Variants in HERC5 observed in about 807,000 individuals in gnomAD.
The protein encoded by HERC5 is E3 ISG15--protein ligase HERC5.
In HERC5, 99 loss-of-function variants were observed where a neutral mutation model predicts 119.6. The ratio of observed to expected loss-of-function variants is 0.83; its 90% CI spans 0.70 to 0.98. The LOEUF (loss-of-function observed/expected upper bound fraction) is 0.98, where lower values mean the gene tolerates loss of function less well. Ranked by LOEUF, HERC5 falls within the 50% of genes least tolerant of loss-of-function variation. The probability of loss-of-function intolerance (pLI) is 0.00; values close to 1 mark genes in which losing one functional copy is unlikely to be tolerated. For missense variants in HERC5, 1,267 were observed against 1,241.3 expected, an observed-to-expected ratio of 1.02 and a Z score of -0.31; for synonymous variants, 478 against 445.9, an observed-to-expected ratio of 1.07 and a Z score of -0.91.
intron 22 of HERC5, 77 bp downstream of exon 22, chr4:88,504,674 C>A: frequency 1.3e-6 from 1 of 761,552 alleles, no homozygotes; most frequent in Non-Finnish European, 2.0e-6. Context: ...ATGATAAGTA[C>A]CATTTGCAAC....
chr4:88,494,155 C>G lies in HERC5; in HGVS notation c.2278-10C>G, dbSNP rs538890749. On this transcript the variant is annotated splice_polypyrimidine_tract_variant and intron_variant, in intron 17 of 22. Transcript: ENST00000264350. ...TCATAATACTTTAAGATTTTTTTTT[C>G]GCTTTTCAGCCTAAATTTGAGAAGA... The G allele has an allele frequency of 1.9e-6, 3 of 1,552,700 alleles. No individual in the cohort carries two copies. The highest frequency in any genetic ancestry group is 1.7e-6 in the Non-Finnish European group (2 of 1,150,134).
intron 12 of HERC5, among the ~76,000 whole-genome samples, chr4:88,478,262 A>C (rs907113256): frequency 2.0e-5 from 3 of 152,248 alleles, no homozygotes; most frequent in African/African-American, 7.2e-5. Flanking sequence ...ATTTATTACA[A>C]GTGTGCTTTT....
rs1272322767 is a variant in HERC5, at chr4:88,475,956, A to G, written c.1508A>G (p.Asn503Ser). ...GAATGTCCTATGATGCATATTTCCA[A>G]CAACTGGGAGAGCCTTGTGGTTCCA... is the stretch of plus-strand genomic sequence containing the variant. The part of the protein sequence containing the change: ...LPECPMMHIS[N>S]NWESLVVPFA... The change falls in exon 12 of 23, where the codon AAC becomes AGC. Residue 503 changes from asparagine to serine, a missense_variant. Physicochemically the swap from Asn to Ser is conservative, Grantham distance 46. Around this residue, in one of 3 missense-constraint regions of HERC5, gnomAD observed 777 missense variants for 758.0 expected, o/e 1.03. Coordinates refer to ENST00000264350, the MANE Select transcript of HERC5 (RefSeq NM_016323.4). The G allele has an allele frequency of 6.2e-7, 1 of 1,614,064 alleles. No homozygotes were observed. Among genetic ancestry groups the G allele is most frequent in the South Asian group, 1.1e-5 (1 of 91,070 alleles).
At chr4:88,496,792 G>T (rs1741807340) in intron 18 of HERC5, among the ~76,000 whole-genome samples, 1 of 152,158 alleles carries the variant, frequency 6.6e-6, no homozygotes, top group African/African-American at 2.4e-5. Context: ...TAAGATTAAA[G>T]AACTTCTTTC....
chr4:88,479,545 G>T, intron 13 of HERC5, 38 bp downstream of exon 13: 1 of 1,492,258 alleles, frequency 6.7e-7, no homozygotes, highest in Non-Finnish European at 8.9e-7. Context: ...TTTTTATCTA[G>T]CTGTAAAAAT....
Position 88,504,387 on chromosome 4 carries a change from C to T in HERC5, c.2738C>T (p.Thr913Ile), listed in dbSNP as rs199762669. Residue 913 changes from threonine to isoleucine, a missense_variant, in exon 21 of 23, where the codon ACA becomes ATA. Coordinates refer to ENST00000264350, the MANE Select transcript of HERC5 (RefSeq NM_016323.4). ...EELKDVIVGN[T>I]DYDWKTFEKN... ...CTGAAGGATGTGATTGTTGGAAATA[C>T]AGATTATGATTGGAAAACATTTGAA... 6.2e-7 allele frequency: 1 copy of T among 1,607,514 alleles called. No individual in the cohort carries two copies. Among genetic ancestry groups the T allele is most frequent in the East Asian group, 2.2e-5 (1 of 44,708 alleles).
intron 18 of HERC5, 34 bp from the exon 19 acceptor site, chr4:88,499,892 T>C (rs1233568804): frequency 6.9e-7 from 1 of 1,446,368 alleles, no homozygotes; most frequent in Non-Finnish European, 9.7e-7. Context: ...TCATGGTTAT[T>C]ACCTTTTTAA....
In HERC5 at chr4:88,462,233, G is replaced by A. The variant is rs776068909; in HGVS notation, c.565G>A (p.Ala189Thr). Reference sequence around the variant, plus strand: ...CACACCACAGATTGTGGAGCACCTCGCAGGAGTACCCTTGGCTCAGATTTC... The same window carrying A: ...CACACCACAGATTGTGGAGCACCTCACAGGAGTACCCTTGGCTCAGATTTC... ...TTTPQIVEHLAGVPLAQISAG... is the reference protein window; with the variant it reads ...TTTPQIVEHLTGVPLAQISAG... Residue 189 changes from alanine to threonine, a missense_variant, in exon 4 of 23, where the codon GCA becomes ACA. Ala to Thr is a moderately conservative substitution (Grantham distance 58). Around this residue, in one of 3 missense-constraint regions of HERC5, gnomAD observed 777 missense variants for 758.0 expected, o/e 1.03. Transcript: ENST00000264350. 7 of 1,614,164 alleles carry A rather than the reference G, an allele frequency of 4.3e-6. No individual in the cohort carries two copies. Among genetic ancestry groups the A allele is most frequent in the Non-Finnish European group, 4.2e-6 (5 of 1,180,030 alleles).
At chr4:88,470,307 G>A (rs2149092273) in intron 9 of HERC5, among the ~76,000 whole-genome samples, 1 of 152,288 alleles carries the variant, frequency 6.6e-6, no homozygotes, top group Non-Finnish European at 1.5e-5. Flanking sequence ...GGTGGGGTGG[G>A]AGTATTTTGT....
At chr4:88,475,493 A>G (rs1332435582) in intron 11 of HERC5, among the ~76,000 whole-genome samples, 1 of 151,582 alleles carries the variant, frequency 6.6e-6, no homozygotes, top group Admixed American at 6.6e-5. Flanking sequence ...TAATTTTCAT[A>G]TTTTAAGTAG....
At chr4:88,463,792 T>A in intron 5 of HERC5, 63 bp from the exon 6 acceptor site, 1 of 1,539,924 alleles carries the variant, frequency 6.5e-7, no homozygotes, top group African/African-American at 1.4e-5. Context: ...TCACTTTGCA[T>A]CAGTGAATAC....
chr4:88,480,606 T>C lies in HERC5; in HGVS notation c.1737+1099T>C, dbSNP rs560825976. Among the ~76,000 whole-genome samples, 5 of 152,362 alleles carry C rather than the reference T, an allele frequency of 3.3e-5. No individual in the cohort carries two copies. The South Asian group carries it at 1.0e-3, about 32-fold the overall frequency. ...CGGATATGTGTGTGTTGTTCTTTAC[T>C]GGTAGTGACAAACTTCTAAAGCAGT... On this transcript the variant is annotated intron_variant, in intron 13 of 22. Coordinates refer to ENST00000264350, the MANE Select transcript of HERC5 (RefSeq NM_016323.4).
At position 88,462,268 on chromosome 4, in the gene HERC5, A is replaced by G; in HGVS notation, c.600A>G (p.Glu200=). Reference sequence around the variant, plus strand: ...CCTTGGCTCAGATTTCTGCCGGAGAAGCCCACAGCATGGCCTTATCCATGT... The same window carrying G: ...CCTTGGCTCAGATTTCTGCCGGAGAGGCCCACAGCATGGCCTTATCCATGT... ...GVPLAQISAG[E]AHSMALSMSG... The change falls in exon 4 of 23, where the codon GAA becomes GAG. Residue 200 remains glutamate, a synonymous_variant. Coordinates refer to ENST00000264350, the MANE Select transcript of HERC5 (RefSeq NM_016323.4). 1 of 1,614,210 alleles carries G rather than the reference A, an allele frequency of 6.2e-7. No individual in the cohort carries two copies. Among genetic ancestry groups the G allele is most frequent in the African/African-American group, 1.3e-5 (1 of 75,052 alleles).
At chr4:88,487,878 A>G (rs1741518417) in intron 15 of HERC5, among the ~76,000 whole-genome samples, 2 of 152,220 alleles carry the variant, frequency 1.3e-5, no homozygotes, top group East Asian at 3.9e-4. Flanking sequence ...ATATAGGTAA[A>G]GCATTTAAAA....
At chr4:88,501,826 CCTCG>C (rs1419050006) in intron 20 of HERC5, among the ~76,000 whole-genome samples, 2 of 151,974 alleles carry the variant, frequency 1.3e-5, no homozygotes, top group Non-Finnish European at 2.9e-5. Context: ...TGAGATGGCA[CCTCG>C]CTCTGTCACC....
In HERC5 at chr4:88,484,210, A is replaced by G. The variant is rs1022485920; in HGVS notation, c.1738-1905A>G. Among the ~76,000 whole-genome samples, 2 of 152,000 alleles carry G rather than the reference A, an allele frequency of 1.3e-5. 1 individual carries two copies. Among genetic ancestry groups the G allele is most frequent in the Admixed American group, 1.3e-4 (2 of 15,274 alleles). Reference sequence around the variant, plus strand: ...CTTGCTCATTATTTATAATTTCTTCATTCTTTTCACATTTTCCTTTTATTT... The same window carrying G: ...CTTGCTCATTATTTATAATTTCTTCGTTCTTTTCACATTTTCCTTTTATTT... On this transcript the variant is annotated intron_variant, in intron 13 of 22. Transcript: ENST00000264350.
intron 12 of HERC5, among the ~76,000 whole-genome samples, chr4:88,478,112 T>C (rs1297194542): frequency 2.0e-5 from 3 of 152,190 alleles, no homozygotes. Context: ...TATTTTTTAA[T>C]AGAGACAGGA....
Position 88,457,321 on chromosome 4 carries a change from G to A in HERC5, c.52G>A (p.Gly18Ser). The change falls in exon 1 of 23, where the codon GGC (glycine) becomes AGC (serine). Residue 18 changes from glycine (G) to serine (S), a missense_variant. Around this residue, in one of 3 missense-constraint regions of HERC5, gnomAD observed 777 missense variants for 758.0 expected, o/e 1.03. Transcript: ENST00000264350. ...KSRRNGRSTA[G>S]KAAATQPAKS... is the part of the protein sequence containing the mutation. Reference sequence around the variant, plus strand: ...GCGGCGCAACGGGCGCTCGACCGCGGGCAAGGCCGCCGCGACCCAGCCCGC... The same window carrying A: ...GCGGCGCAACGGGCGCTCGACCGCGAGCAAGGCCGCCGCGACCCAGCCCGC... The A allele has an allele frequency of 7.2e-7, 1 of 1,393,696 alleles. No homozygotes were observed. Among genetic ancestry groups the A allele is most frequent in the South Asian group, 1.5e-5 (1 of 64,948 alleles). 86.3% of individuals were successfully genotyped at this position (1,393,696 alleles called of 1,614,324 possible).
intron 18 of HERC5, 37 bp downstream of exon 18, chr4:88,494,368 AACAT>A: frequency 6.4e-7 from 1 of 1,551,036 alleles, no homozygotes; most frequent in African/African-American, 1.4e-5. Flanking sequence ...GACCCTTTCT[AACAT>A]ATATTTAGGC....
Sources: gnomAD v4.1 joint callset for allele counts (sites outside exome capture counted in the v4.1 genomes callset) on GRCh38, gnomAD v4.1.1 for gene constraint, gnomAD v4.1.1 regional missense constraint, MANE v1.5 for transcripts, NCBI Gene and HGNC (gene_info 2026-07-23, HGNC 2026-07-21) for gene names.